GUCY1A2: variants seen among roughly 807,000 people sequenced by gnomAD.
GUCY1A2 encodes the protein guanylate cyclase soluble subunit alpha-2.
GUCY1A2 carries 27 observed loss-of-function variants against 63.5 expected under a neutral mutation model. The ratio of observed to expected loss-of-function variants is 0.43; its 90% CI spans 0.31 to 0.59. The LOEUF (loss-of-function observed/expected upper bound fraction) is 0.59, where lower values mean the gene tolerates loss of function less well. GUCY1A2 is among the 20% of genes least tolerant of loss of function. GUCY1A2 has a pLI of 0.11. For missense variants in GUCY1A2, 768 were observed against 913.3 expected (o/e 0.84, Z 2.05); for synonymous variants, 364 against 343.5 (o/e 1.06, Z -0.66).
intron 4 of GUCY1A2, among the ~76,000 whole-genome samples, chr11:106,864,337 CTAAA>C (rs1859559067): frequency 6.6e-6 from 1 of 151,954 alleles, no homozygotes. Flanking sequence ...ATGGGGTTTT[CTAAA>C]TATACAATCA....
intron 6 of GUCY1A2, among the ~76,000 whole-genome samples, chr11:106,719,730 A>G (rs1392593725): frequency 1.8e-4 from 28 of 152,164 alleles, no homozygotes; most frequent in Admixed American, 1.8e-3. Context: ...TGATTACTGG[A>G]GAGTAAGATT....
intron 4 of GUCY1A2, among the ~76,000 whole-genome samples, chr11:106,879,430 G>T (rs1185993690): frequency 6.6e-6 from 1 of 152,088 alleles, no homozygotes; most frequent in African/African-American, 2.4e-5. Flanking sequence ...AAAAGCTTTA[G>T]GAGTTTAGAT....
chr11:106,702,702 G>GTT (rs759882609), intron 7 of GUCY1A2, among the ~76,000 whole-genome samples: 1,623 of 147,376 alleles, frequency 0.011, 14 homozygotes, highest in Middle Eastern at 0.024. Context: ...AATTTATATG[G>GTT]TTTTTTTTTT....
At chr11:106,706,695 A>G (rs371218421) in intron 7 of GUCY1A2, among the ~76,000 whole-genome samples, 2 of 150,810 alleles carry the variant, frequency 1.3e-5, no homozygotes, top group Non-Finnish European at 3.0e-5. Flanking sequence ...CACAGAAGAC[A>G]TAAATCTACA....
intron 4 of GUCY1A2, among the ~76,000 whole-genome samples, chr11:106,869,412 GA>G (rs1402385094): frequency 2.6e-5 from 4 of 152,040 alleles, no homozygotes; most frequent in Admixed American, 1.3e-4. Context: ...AAATTTACAA[GA>G]AAAAAACAAA....
intron 5 of GUCY1A2, among the ~76,000 whole-genome samples, chr11:106,781,112 CAA>C (rs565279937): frequency 4.5e-5 from 4 of 88,998 alleles, no homozygotes; most frequent in South Asian, 3.9e-4. Context: ...AAACAGACTA[CAA>C]AAAAAAAAAA....
chr11:106,939,807 T>C lies in GUCY1A2; in HGVS notation c.859A>G (p.Ser287Gly), dbSNP rs747395290. 1.6e-5 allele frequency: 26 copies of C among 1,613,700 alleles called. No homozygotes were observed. The highest frequency in any genetic ancestry group is 1.9e-5 in the Non-Finnish European group (23 of 1,179,596). ...CSDVSNPGNC[S>G]CLTFLIKECE... Reference sequence around the variant, plus strand: ...TCTTTGATAAGGAAAGTAAGACAGCTACAATTGCCTGGGTTTGAAACATCA... The same window carrying C: ...TCTTTGATAAGGAAAGTAAGACAGCCACAATTGCCTGGGTTTGAAACATCA... The change falls in exon 4 of 8, where the codon AGC (serine) becomes GGC (glycine). Residue 287 changes from serine to glycine, a missense_variant. By Grantham distance (56) the Ser-to-Gly change is moderately conservative. Coordinates refer to ENST00000526355, the MANE Select transcript of GUCY1A2 (RefSeq NM_000855.3).
At chr11:106,881,055 C>T (rs1323249337) in intron 4 of GUCY1A2, among the ~76,000 whole-genome samples, 2 of 152,052 alleles carry the variant, frequency 1.3e-5, no homozygotes, top group Non-Finnish European at 2.9e-5. Flanking sequence ...CTCTGAGGTT[C>T]CTTCCAGCTC....
chr11:106,866,851 T>C (rs1243901658), intron 4 of GUCY1A2, among the ~76,000 whole-genome samples: 1 of 152,026 alleles, frequency 6.6e-6, no homozygotes, highest in African/African-American at 2.4e-5. Context: ...AGCAACAACC[T>C]ACAGTAATGA....
intron 4 of GUCY1A2, among the ~76,000 whole-genome samples, chr11:106,922,654 G>T (rs1860461391): frequency 1.9e-5 from 2 of 106,524 alleles, no homozygotes; most frequent in Non-Finnish European, 1.9e-5. Flanking sequence ...TCAGTGCTTT[G>T]TTAACTACAT....
At chr11:106,850,647 C>T (rs987859898) in intron 4 of GUCY1A2, among the ~76,000 whole-genome samples, 13 of 151,756 alleles carry the variant, frequency 8.6e-5, no homozygotes, top group African/African-American at 3.1e-4. Context: ...ATATAATGTC[C>T]TCCAGGCTCA....
chr11:106,858,571 A>G (rs1266469857), intron 4 of GUCY1A2, among the ~76,000 whole-genome samples: 1 of 152,134 alleles, frequency 6.6e-6, no homozygotes, highest in East Asian at 1.9e-4. Flanking sequence ...ATTTAAACAC[A>G]GGTCCATCTA....
chr11:106,871,448 A>G (rs960078591), intron 4 of GUCY1A2, among the ~76,000 whole-genome samples: 1 of 152,122 alleles, frequency 6.6e-6, no homozygotes, highest in African/African-American at 2.4e-5. Context: ...TGTTCCATAC[A>G]GCTCTCTTAA....
intron 4 of GUCY1A2, among the ~76,000 whole-genome samples, chr11:106,834,118 C>T (rs1025239790): frequency 1.3e-5 from 2 of 151,862 alleles, no homozygotes; most frequent in African/African-American, 4.8e-5. Flanking sequence ...ATATATAGTA[C>T]ATTAACTATA....
intron 5 of GUCY1A2, among the ~76,000 whole-genome samples, chr11:106,777,956 C>G (rs887828952): frequency 6.6e-6 from 1 of 152,146 alleles, no homozygotes; most frequent in Non-Finnish European, 1.5e-5. Flanking sequence ...AGACCCTCTT[C>G]TAATTCTATT....
chr11:106,685,732 G>A lies in GUCY1A2; in HGVS notation c.*1817C>T. ...AACCTCCCCATTGTCCAGAAACACA[G>A]GCCCACAGAAGAGGGGGTCAGGCAA... On this transcript the variant is annotated 3_prime_UTR_variant, in exon 8 of 8. Coordinates refer to ENST00000526355, the MANE Select transcript of GUCY1A2 (RefSeq NM_000855.3). The A allele has an allele frequency of 8.8e-6, 2 of 227,104 alleles. No individual in the cohort carries two copies. Among genetic ancestry groups the A allele is most frequent in the African/African-American group, 4.4e-5 (2 of 45,066 alleles). 14.1% of individuals were successfully genotyped at this position (227,104 alleles called of 1,614,324 possible). A position where few individuals can be genotyped will look rare whatever the true frequency, so the allele number is the denominator to read the frequency against.
chr11:106,765,900 T>G (rs566526198), intron 6 of GUCY1A2, among the ~76,000 whole-genome samples: 10 of 152,258 alleles, frequency 6.6e-5, no homozygotes, highest in Non-Finnish European at 1.3e-4. Context: ...AGGCAAGTGA[T>G]AAAGCAAAAT....
At position 106,930,006 on chromosome 11, in the gene GUCY1A2, A is replaced by G. The variant is rs1262321617; in HGVS notation, c.1206+9454T>C. Reference sequence around the variant, plus strand: ...ACAGATATGCCTTTTAAATATTAATATTTTGGCATTTTTCTCTAAGAATAA... The same window carrying G: ...ACAGATATGCCTTTTAAATATTAATGTTTTGGCATTTTTCTCTAAGAATAA... On this transcript the variant is annotated intron_variant, in intron 4 of 7. Transcript: ENST00000526355. 3.3e-5 allele frequency among the ~76,000 whole-genome samples: 5 copies of G among 152,310 alleles called. No individual in the cohort carries two copies. The South Asian group carries it at 1.0e-3, about 32-fold the overall frequency.
At chr11:106,695,984 AC>A (rs1281868262) in intron 7 of GUCY1A2, among the ~76,000 whole-genome samples, 5 of 151,994 alleles carry the variant, frequency 3.3e-5, no homozygotes, top group African/African-American at 7.2e-5. Context: ...CTTCAGCGAC[AC>A]CCCTGCACAT....
Sources: allele counts gnomAD v4.1 joint callset (sites outside exome capture counted in the v4.1 genomes callset), GRCh38; gene constraint gnomAD v4.1.1; transcripts MANE v1.5; gene names NCBI Gene and HGNC (gene_info 2026-07-23, HGNC 2026-07-21).